Variants in PHF24 observed in about 807,000 individuals in gnomAD.
PHF24 encodes PHD finger protein 24.
In PHF24, 25 loss-of-function variants were observed where a neutral mutation model predicts 42.6. The observed-to-expected ratio is 0.59, with a 90% CI of 0.43 to 0.82. The LOEUF (loss-of-function observed/expected upper bound fraction) is 0.82, where lower values mean the gene tolerates loss of function less well. Among genes scored for constraint, PHF24 ranks in the 40% least tolerant of loss-of-function variants. The pLI, the probability that PHF24 is intolerant of heterozygous loss-of-function variation, is 0.00. For synonymous variants in PHF24, 185 were observed against 204.8 expected (o/e 0.90, Z 0.83); for missense variants, 470 against 538.1 (o/e 0.87, Z 1.25).
the PHF24 span, among the ~76,000 whole-genome samples, chr9:34,787,926 T>C: frequency 6.6e-6 from 1 of 152,218 alleles, no homozygotes; most frequent in Non-Finnish European, 1.5e-5. Context: ...ATTTCTTTAT[T>C]GTTTTCTGTA....
the PHF24 span, chr9:34,723,211 A>T: frequency 1.3e-6 from 2 of 1,546,888 alleles, no homozygotes; most frequent in Non-Finnish European, 1.7e-6. Context: ...CAATGTTTCT[A>T]TCTGAGGTGA....
the PHF24 span, among the ~76,000 whole-genome samples, chr9:34,671,631 C>T: frequency 6.6e-6 from 1 of 152,302 alleles, no homozygotes; most frequent in East Asian, 1.9e-4. Flanking sequence ...CAAGATTTTG[C>T]ATTCCAAGTG....
At chr9:34,707,923 G>A in the PHF24 span, among the ~76,000 whole-genome samples, 1 of 152,108 alleles carries the variant, frequency 6.6e-6, no homozygotes, top group South Asian at 2.1e-4. Context: ...GTAGAGACGG[G>A]GTTTCACCAT....
At chr9:34,853,800 C>G in the PHF24 span, among the ~76,000 whole-genome samples, 34 of 144,226 alleles carry the variant, frequency 2.4e-4, no homozygotes, top group Non-Finnish European at 2.6e-4. Context: ...TGCACTCCAG[C>G]CTGGGTGACA....
the PHF24 span, among the ~76,000 whole-genome samples, chr9:34,779,470 CA>C: frequency 6.6e-6 from 1 of 152,150 alleles, no homozygotes; most frequent in Non-Finnish European, 1.5e-5. Flanking sequence ...CAATCCTTAT[CA>C]AAATTTCAGT....
the PHF24 span, among the ~76,000 whole-genome samples, chr9:34,883,674 C>G: frequency 3.9e-5 from 6 of 152,226 alleles, no homozygotes; most frequent in Non-Finnish European, 7.3e-5. Flanking sequence ...GATACCATCT[C>G]ACACCAGTTA....
the PHF24 span, among the ~76,000 whole-genome samples, chr9:34,887,758 T>C: frequency 6.6e-6 from 1 of 152,208 alleles, no homozygotes; most frequent in Non-Finnish European, 1.5e-5. Context: ...CTATATACTA[T>C]GTTTTTTATT....
chr9:34,784,406 A>G, the PHF24 span, among the ~76,000 whole-genome samples: 1 of 152,164 alleles, frequency 6.6e-6, no homozygotes, highest in African/African-American at 2.4e-5. Context: ...TTTTAAATGT[A>G]CTATGACCTT....
At chr9:34,755,611 T>C in the PHF24 span, among the ~76,000 whole-genome samples, 1 of 151,876 alleles carries the variant, frequency 6.6e-6, no homozygotes, top group Non-Finnish European at 1.5e-5. Context: ...GTTCCTTGTA[T>C]GTTGCTTTTA....
the PHF24 span, among the ~76,000 whole-genome samples, chr9:34,846,701 C>T: frequency 2.6e-5 from 4 of 152,074 alleles, no homozygotes; most frequent in Non-Finnish European, 4.4e-5. Flanking sequence ...TGGTAATGCC[C>T]AGGTTTTCTT....
the PHF24 span, among the ~76,000 whole-genome samples, chr9:34,737,819 A>C: frequency 6.6e-6 from 1 of 152,206 alleles, no homozygotes; most frequent in Non-Finnish European, 1.5e-5. Context: ...CTTTTACTGT[A>C]ACTTGTCACT....
At chr9:34,839,986 G>A in the PHF24 span, among the ~76,000 whole-genome samples, 2 of 152,044 alleles carry the variant, frequency 1.3e-5, no homozygotes, top group Non-Finnish European at 2.9e-5. Flanking sequence ...CCTAACAAAC[G>A]CAGAACCCCA....
chr9:34,977,087 C>T, exon 6 of PHF24: 2 of 1,591,700 alleles, frequency 1.3e-6, no homozygotes, highest in Non-Finnish European at 1.7e-6. Flanking sequence ...CCCCAGAACT[C>T]TCTGTTGAGG....
At chr9:34,731,955 A>G in the PHF24 span, among the ~76,000 whole-genome samples, 1 of 151,920 alleles carries the variant, frequency 6.6e-6, no homozygotes, top group Non-Finnish European at 1.5e-5. Flanking sequence ...GACTCAAGCA[A>G]TCCTCCTGCC....
the PHF24 span, chr9:34,832,679 C>T: frequency 6.5e-7 from 1 of 1,542,032 alleles, no homozygotes; most frequent in South Asian, 1.2e-5. Flanking sequence ...TGAAGCTAGA[C>T]TCTGTAAGGC....
chr9:34,977,596 G>C (rs1267762718), exon 7 of PHF24: 1 of 1,608,774 alleles, frequency 6.2e-7, no homozygotes, highest in African/African-American at 1.3e-5. Context: ...AGCAGCAGCA[G>C]CAAGAGTCAG....
the PHF24 span, among the ~76,000 whole-genome samples, chr9:34,817,548 T>C: frequency 2.0e-5 from 3 of 152,276 alleles, no homozygotes; most frequent in South Asian, 6.2e-4. Context: ...TTGTGGGAGT[T>C]GTTTGTTTTT....
At chr9:34,770,711 G>A in the PHF24 span, among the ~76,000 whole-genome samples, 5 of 151,976 alleles carry the variant, frequency 3.3e-5, no homozygotes, top group African/African-American at 7.3e-5. Flanking sequence ...TGGCGGTATG[G>A]GTTAGGTGGA....
chr9:34,790,649 A>T, the PHF24 span, among the ~76,000 whole-genome samples: 17 of 152,262 alleles, frequency 1.1e-4, no homozygotes, highest in Admixed American at 6.5e-5. Flanking sequence ...ATATTTTAGT[A>T]AATGGAGACA....
Sources: gnomAD v4.1 joint callset for allele counts (sites outside exome capture counted in the v4.1 genomes callset) on GRCh38, gnomAD v4.1.1 for gene constraint, MANE v1.5 for transcripts, NCBI Gene and HGNC (gene_info 2026-07-23, HGNC 2026-07-21) for gene names.